Variants in MAN1A2 observed in about 807,000 individuals in gnomAD.
MAN1A2 encodes the protein mannosyl-oligosaccharide 1,2-alpha-mannosidase IB.
MAN1A2 carries 26 observed loss-of-function variants against 75.7 expected under a neutral mutation model. That is an observed-to-expected ratio of 0.34 (90% CI 0.25 to 0.48). The LOEUF is 0.48. Ranked by LOEUF, MAN1A2 falls within the 20% of genes least tolerant of loss-of-function variation. The pLI is 0.99. For missense variants in MAN1A2, 562 were observed against 775.5 expected (o/e 0.72, Z 3.27); for synonymous variants, 247 against 264.6 (o/e 0.93, Z 0.65).
intron 8 of MAN1A2, among the ~76,000 whole-genome samples, chr1:117,482,586 G>T (rs191532936): frequency 6.6e-6 from 1 of 151,762 alleles, no homozygotes; most frequent in Non-Finnish European, 1.5e-5. Context: ...TTTTTGATGG[G>T]GTTGTTTTTT....
chr1:117,385,602 G>A (rs186899924), intron 1 of MAN1A2, among the ~76,000 whole-genome samples: 216 of 152,236 alleles, frequency 1.4e-3, no homozygotes, highest in Non-Finnish European at 2.5e-3. Flanking sequence ...AATTGAGGGG[G>A]TGGGGTGATG....
chr1:117,501,666 A>G (rs957375983), intron 11 of MAN1A2, among the ~76,000 whole-genome samples: 4 of 151,890 alleles, frequency 2.6e-5, no homozygotes, highest in Admixed American at 2.0e-4. Context: ...TCTTTAGAAT[A>G]TATTAGAGAA....
At chr1:117,438,900 A>G (rs1469444851) in intron 5 of MAN1A2, among the ~76,000 whole-genome samples, 3 of 152,206 alleles carry the variant, frequency 2.0e-5, no homozygotes, top group African/African-American at 7.2e-5. Context: ...GTCATTATAC[A>G]TGATGGAACA....
chr1:117,396,882 T>G (rs1653918620), intron 1 of MAN1A2, among the ~76,000 whole-genome samples: 2 of 151,922 alleles, frequency 1.3e-5, no homozygotes. Context: ...AGTGGTATAG[T>G]CAGGGTAGTG....
At chr1:117,476,702 G>A (rs937758890) in intron 8 of MAN1A2, among the ~76,000 whole-genome samples, 2 of 151,910 alleles carry the variant, frequency 1.3e-5, no homozygotes. Flanking sequence ...CCTCTGTTGT[G>A]TTTCATTGGT....
At chr1:117,459,977 C>T (rs947546677) in intron 6 of MAN1A2, among the ~76,000 whole-genome samples, 2 of 151,706 alleles carry the variant, frequency 1.3e-5, no homozygotes, top group Non-Finnish European at 2.9e-5. Context: ...TTTGAGACAA[C>T]TCAAAATGCT....
chr1:117,405,059 TAAATA>T (rs1647569444), intron 2 of MAN1A2, among the ~76,000 whole-genome samples: 1 of 152,048 alleles, frequency 6.6e-6, no homozygotes, highest in South Asian at 2.1e-4. Context: ...ACAAAAAAAA[TAAATA>T]AAATAAATTT....
intron 1 of MAN1A2, among the ~76,000 whole-genome samples, chr1:117,387,510 G>T (rs1653574713): frequency 6.6e-6 from 1 of 152,196 alleles, no homozygotes; most frequent in Non-Finnish European, 1.5e-5. Context: ...TCTTACATGA[G>T]TGGTGTGGAT....
intron 1 of MAN1A2, among the ~76,000 whole-genome samples, chr1:117,370,452 T>C (rs996239696): frequency 2.6e-5 from 4 of 152,222 alleles, no homozygotes; most frequent in African/African-American, 7.2e-5. Context: ...TCTGTGGTTA[T>C]ATCAGTTGAC....
chr1:117,373,289 C>A (rs1017108445), intron 1 of MAN1A2, among the ~76,000 whole-genome samples: 2 of 151,852 alleles, frequency 1.3e-5, no homozygotes, highest in Non-Finnish European at 2.9e-5. Flanking sequence ...TTATTTGGGG[C>A]TTTCTGCTCC....
At chr1:117,434,814 G>A (rs1648799632) in intron 5 of MAN1A2, among the ~76,000 whole-genome samples, 1 of 148,308 alleles carries the variant, frequency 6.7e-6, no homozygotes, top group Admixed American at 6.8e-5. Flanking sequence ...CAGTCAGCTA[G>A]TCATCACAGT....
intron 1 of MAN1A2, among the ~76,000 whole-genome samples, chr1:117,379,795 T>C (rs1308548661): frequency 6.6e-6 from 1 of 152,184 alleles, no homozygotes; most frequent in Non-Finnish European, 1.5e-5. Context: ...ATCCACACTG[T>C]AACAGGTAAC....
intron 3 of MAN1A2, among the ~76,000 whole-genome samples, chr1:117,406,343 C>T (rs1375431356): frequency 6.6e-6 from 1 of 152,146 alleles, no homozygotes; most frequent in Non-Finnish European, 1.5e-5. Context: ...GTGACTTGAT[C>T]ATTATCTTTT....
intron 5 of MAN1A2, among the ~76,000 whole-genome samples, chr1:117,434,997 G>A (rs1648803891): frequency 1.3e-5 from 2 of 152,104 alleles, no homozygotes; most frequent in East Asian, 3.9e-4. Context: ...TTTGGTGCTA[G>A]ATTGATGGTA....
chr1:117,417,786 A>C (rs915657216), intron 4 of MAN1A2, among the ~76,000 whole-genome samples: 2 of 151,462 alleles, frequency 1.3e-5, no homozygotes, highest in African/African-American at 4.9e-5. Flanking sequence ...AACCCTAAGT[A>C]GGCAGTTTGA....
chr1:117,504,639 G>A (rs961078323), intron 12 of MAN1A2, among the ~76,000 whole-genome samples: 7 of 151,216 alleles, frequency 4.6e-5, no homozygotes, highest in African/African-American at 1.5e-4. Flanking sequence ...TTCCAATAAT[G>A]TACTTTATTT....
At position 117,390,209 on chromosome 1, in the gene MAN1A2, A is replaced by G. The variant is rs569862690; in HGVS notation, c.303-11977A>G. On this transcript the variant is annotated intron_variant, in intron 1 of 12. Coordinates refer to ENST00000356554, the MANE Select transcript of MAN1A2 (RefSeq NM_006699.5). ...CTGAAAGAGTTTCCATAGAACTGGT[A>G]TTGATTTTTACCTAAATGCTTGATA... Among the ~76,000 whole-genome samples the G allele has an allele frequency of 2.6e-5, 4 of 152,234 alleles. No individual in the cohort carries two copies. In the South Asian group the frequency reaches 8.3e-4, roughly 32 times the overall value.
chr1:117,524,204 T>A lies in MAN1A2; in HGVS notation c.*1247T>A, dbSNP rs1427918013. 6.6e-6 allele frequency: 1 copy of A among 152,252 alleles called. No individual in the cohort carries two copies. Among genetic ancestry groups the A allele is most frequent in the African/African-American group, 2.4e-5 (1 of 41,432 alleles). The allele number at this position is 152,252 out of a possible 1,614,324, so 9.4% of individuals were successfully genotyped here. A position where few individuals can be genotyped will look rare whatever the true frequency, so the allele number is the denominator to read the frequency against. ...AAAAGAGTGTTGTAATTAATCATAT[T>A]ACACTAAAATTGGGATACATCTAAG... On this transcript the variant is annotated 3_prime_UTR_variant, in exon 13 of 13. Transcript: ENST00000356554.
At chr1:117,457,786 A>G (rs1020877141) in intron 6 of MAN1A2, among the ~76,000 whole-genome samples, 3 of 152,132 alleles carry the variant, frequency 2.0e-5, no homozygotes, top group African/African-American at 4.8e-5. Context: ...ATGACTTTCC[A>G]TCACACTTAA....
Sources: allele counts gnomAD v4.1 joint callset (sites outside exome capture counted in the v4.1 genomes callset), GRCh38; gene constraint gnomAD v4.1.1; transcripts MANE v1.5; gene names NCBI Gene and HGNC (gene_info 2026-07-23, HGNC 2026-07-21).